CACNA1C: variants seen among roughly 807,000 people sequenced by gnomAD.
CACNA1C encodes calcium voltage-gated channel subunit alpha1 C, also known as voltage-dependent L-type calcium channel subunit alpha-1C.
Under a neutral mutation model 229.0 loss-of-function variants are expected in CACNA1C, and 30 were observed. That is an observed-to-expected ratio of 0.13 (90% CI 0.10 to 0.18). The LOEUF (loss-of-function observed/expected upper bound fraction) is 0.18. CACNA1C is among the 10% of genes least tolerant of loss of function. The pLI is 1.00. For synonymous variants in CACNA1C, 1,114 were observed against 1,132.5 expected, an observed-to-expected ratio of 0.98 and a Z score of 0.33; for missense variants, 1,658 against 2,845.0, an observed-to-expected ratio of 0.58 and a Z score of 9.49.
Position 2,512,782 on chromosome 12 carries a change from C to A in CACNA1C, c.1218-30C>A. 1 of 1,575,106 alleles carries A rather than the reference C, an allele frequency of 6.3e-7. No homozygotes were observed. Among genetic ancestry groups the A allele is most frequent in the Non-Finnish European group, 8.6e-7 (1 of 1,157,192 alleles). On this transcript the variant is annotated intron_variant, in intron 8 of 46. Transcript: ENST00000399655. The surrounding 1 kb of genome is among the most constrained non-coding windows in gnomAD (Gnocchi z 4.3). ...GTGCTCCCTCCTTCTCTGTGCTCTCCTGCCCTGCCCCTCCTCTCACTCTCA... is the reference window on the plus strand; with the variant it reads ...GTGCTCCCTCCTTCTCTGTGCTCTCATGCCCTGCCCCTCCTCTCACTCTCA...
intron 45 of CACNA1C, among the ~76,000 whole-genome samples, chr12:2,688,222 A>G (rs1249715594): frequency 6.6e-6 from 1 of 152,254 alleles, no homozygotes; most frequent in African/African-American, 2.4e-5. Context: ...TTACAGGAGA[A>G]AGAGATCACT....
At chr12:2,563,387 A>G (rs979379884) in intron 11 of CACNA1C, among the ~76,000 whole-genome samples, 5 of 152,212 alleles carry the variant, frequency 3.3e-5, no homozygotes, top group Admixed American at 6.5e-5. Context: ...ATTGGAAACC[A>G]TGTTTTCCAC....
chr12:2,186,372 A>G (rs928745545), intron 3 of CACNA1C, among the ~76,000 whole-genome samples: 1 of 151,950 alleles, frequency 6.6e-6, no homozygotes, highest in African/African-American at 2.4e-5. Flanking sequence ...CAAGGTGGCC[A>G]CCTCTGCATC....
In CACNA1C at chr12:2,585,277, C is replaced by A. The variant is rs187120028; in HGVS notation, c.2340-99C>A. 2 of 1,200,518 alleles carry A rather than the reference C, an allele frequency of 1.7e-6. No individual in the cohort carries two copies. Among genetic ancestry groups the A allele is most frequent in the Non-Finnish European group, 2.3e-6 (2 of 877,696 alleles). 74.4% of individuals were successfully genotyped at this position (1,200,518 alleles called of 1,614,324 possible). A position where few individuals can be genotyped will look rare whatever the true frequency, so the allele number is the denominator to read the frequency against. The stretch of plus-strand genomic sequence containing the variant: ...TGGACTCAGACCCAGGGGATCTGTC[C>A]CCTCTGGCCCCAACAGGCCACAGGG... On this transcript the variant is annotated intron_variant, in intron 16 of 46. Transcript: ENST00000399655. The surrounding 1 kb of genome is among the most constrained non-coding windows in gnomAD (Gnocchi z 4.1).
intron 3 of CACNA1C, among the ~76,000 whole-genome samples, chr12:2,390,638 G>A (rs1243901011): frequency 6.6e-6 from 1 of 152,190 alleles, no homozygotes; most frequent in Non-Finnish European, 1.5e-5. Context: ...ATCAGAGGAG[G>A]TGACAGGAGA....
Position 2,665,682 on chromosome 12 carries a change from C to A in CACNA1C, c.4500C>A (p.Ile1500=), listed in dbSNP as rs752697651. Residue 1500 remains isoleucine (I), a synonymous_variant, in exon 36 of 47, where the codon ATC becomes ATA. Transcript: ENST00000399655. This position sits in a 1 kb window ranked among gnomAD's most constrained non-coding sequence, Gnocchi z 5.9. ...ACCACCTGGATGAGTTTAAAAGAAT[C>A]TGGGCAGAGTATGACCCTGAAGCCA... The part of the protein sequence containing the change: ...GPHHLDEFKR[I]WAEYDPEAKG... 3.5e-5 allele frequency: 56 copies of A among 1,613,556 alleles called. 2 individuals are homozygous for A. In the South Asian group the frequency reaches 6.0e-4, roughly 17 times the overall value.
At chr12:1,979,632 C>T (rs1250331184) in intron 1 of CACNA1C, among the ~76,000 whole-genome samples, 1 of 152,214 alleles carries the variant, frequency 6.6e-6, no homozygotes, top group South Asian at 2.1e-4. Context: ...AAGTAAATAA[C>T]TACGAACGGA....
At chr12:2,113,572 G>A (rs1490580747) in intron 1 of CACNA1C, among the ~76,000 whole-genome samples, 1 of 152,178 alleles carries the variant, frequency 6.6e-6, no homozygotes, top group Non-Finnish European at 1.5e-5. Flanking sequence ...TGGGTGTCAT[G>A]TATGTGCAAC....
intron 1 of CACNA1C, chr12:1,997,921 T>A (rs1447674863): frequency 1.0e-5 from 16 of 1,595,650 alleles, no homozygotes; most frequent in Non-Finnish European, 1.4e-5. Flanking sequence ...TTTATAAAAG[T>A]GAAACACTCT....
At chr12:2,252,277 G>A (rs1250344448) in intron 3 of CACNA1C, among the ~76,000 whole-genome samples, 1 of 152,210 alleles carries the variant, frequency 6.6e-6, no homozygotes, top group African/African-American at 2.4e-5. Context: ...GGGCTTGCTT[G>A]AAGTGTGTAA....
At chr12:2,652,764 C>T (rs2095135599) in intron 32 of CACNA1C, among the ~76,000 whole-genome samples, 2 of 152,250 alleles carry the variant, frequency 1.3e-5, no homozygotes, top group Non-Finnish European at 2.9e-5. Flanking sequence ...GGGGCTCCTG[C>T]ACTCTGAGCC....
At chr12:2,274,767 G>A (rs557525885) in intron 3 of CACNA1C, among the ~76,000 whole-genome samples, 7 of 152,174 alleles carry the variant, frequency 4.6e-5, no homozygotes, top group Non-Finnish European at 7.4e-5. Flanking sequence ...CTCTTTCCAC[G>A]GTATGGTCTG....
intron 1 of CACNA1C, among the ~76,000 whole-genome samples, chr12:2,027,006 C>A (rs2470419): frequency 0.014 from 2,171 of 152,262 alleles, 58 homozygotes; most frequent in African/African-American, 0.049. Flanking sequence ...AAATAGCTTT[C>A]TAATTCTTTC....
At chr12:2,513,321 T>G (rs1023714630) in intron 9 of CACNA1C, among the ~76,000 whole-genome samples, 1 of 152,260 alleles carries the variant, frequency 6.6e-6, no homozygotes, top group Non-Finnish European at 1.5e-5. Flanking sequence ...GCTTCCCGTT[T>G]GAAAGCGCAG....
chr12:2,407,037 C>T (rs1042980746), intron 3 of CACNA1C, among the ~76,000 whole-genome samples: 2 of 152,366 alleles, frequency 1.3e-5, no homozygotes, highest in South Asian at 4.1e-4. Flanking sequence ...TTACTGCTGG[C>T]GTGGCTCAGG....
intron 1 of CACNA1C, among the ~76,000 whole-genome samples, chr12:2,072,052 G>A (rs1017657735): frequency 2.6e-5 from 4 of 152,086 alleles, no homozygotes; most frequent in South Asian, 2.1e-4. Context: ...TATATTTACC[G>A]GAAAGGGGTT....
At chr12:2,128,778 T>C (rs2091210208) in intron 3 of CACNA1C, among the ~76,000 whole-genome samples, 1 of 152,206 alleles carries the variant, frequency 6.6e-6, no homozygotes, top group Non-Finnish European at 1.5e-5. Context: ...TACTTATGAC[T>C]TCACACCATG....
chr12:2,070,869 A>G (rs531333849), intron 1 of CACNA1C, among the ~76,000 whole-genome samples: 3 of 88,828 alleles, frequency 3.4e-5, no homozygotes, highest in African/African-American at 1.3e-4. Flanking sequence ...TTCTTTCTTT[A>G]TTTTCTTTCT....
intron 3 of CACNA1C, among the ~76,000 whole-genome samples, chr12:2,385,015 G>T (rs189308813): frequency 3.9e-5 from 6 of 152,322 alleles, no homozygotes; most frequent in African/African-American, 1.4e-4. Context: ...AGATGAGAGC[G>T]AAGTAAGCAT....
Sources: allele counts gnomAD v4.1 joint callset (sites outside exome capture counted in the v4.1 genomes callset), GRCh38; gene constraint gnomAD v4.1.1; non-coding constraint Gnocchi (gnomAD v3.1); transcripts MANE v1.5; gene names NCBI Gene and HGNC (gene_info 2026-07-23, HGNC 2026-07-21).